Variants in CDH12 observed in about 807,000 individuals in gnomAD.
CDH12 encodes the protein cadherin 12.
Under a neutral mutation model 74.1 loss-of-function variants are expected in CDH12, and 41 were observed. The ratio of observed to expected loss-of-function variants is 0.55; its 90% CI spans 0.43 to 0.72. The LOEUF (loss-of-function observed/expected upper bound fraction) is 0.72, where lower values mean the gene tolerates loss of function less well. Among genes scored for constraint, CDH12 ranks in the 30% least tolerant of loss-of-function variants. The pLI is 0.00. For synonymous variants in CDH12, 399 were observed against 355.0 expected (o/e 1.12, Z -1.39); for missense variants, 945 against 977.2 (o/e 0.97, Z 0.44).
intron 3 of CDH12, among the ~76,000 whole-genome samples, chr5:22,270,612 T>A (rs1454458830): frequency 6.6e-6 from 1 of 150,416 alleles, no homozygotes; most frequent in Non-Finnish European, 1.5e-5. Context: ...AAAATATATA[T>A]ATATATATGT....
rs1219093742 is a variant in CDH12 at position 21,752,270 on chromosome 5, G to A, written c.1886-34C>T. On this transcript the variant is annotated intron_variant, in intron 14 of 14. Coordinates refer to ENST00000382254, the MANE Select transcript of CDH12 (RefSeq NM_004061.5). ...AGACAAAAATTGCAATTTGAGAATA[G>A]AAAGCAGATAGGTCATTTCATCTCT... is the stretch of plus-strand genomic sequence containing the variant. 19 of 1,547,896 alleles carry A rather than the reference G, an allele frequency of 1.2e-5. No individual in the cohort carries two copies. The East Asian group carries it at 4.3e-4, about 35-fold the overall frequency.
chr5:21,914,730 A>C (rs1346036238), intron 6 of CDH12, among the ~76,000 whole-genome samples: 1 of 152,164 alleles, frequency 6.6e-6, no homozygotes, highest in African/African-American at 2.4e-5. Context: ...TATTGAAGAA[A>C]ATCTCCTTTA....
intron 1 of CDH12, among the ~76,000 whole-genome samples, chr5:22,536,878 C>A (rs954282595): frequency 3.3e-5 from 5 of 152,138 alleles, no homozygotes; most frequent in Non-Finnish European, 5.9e-5. Context: ...CCTTAGCTTT[C>A]TTTTTGTGGT....
At chr5:22,058,038 TATCTATC>T (rs1206182765) in intron 5 of CDH12, among the ~76,000 whole-genome samples, 1 of 147,754 alleles carries the variant, frequency 6.8e-6, no homozygotes, top group Admixed American at 6.7e-5. Context: ...TCTATCTATC[TATCTATC>T]ATCTATCTTT....
chr5:22,000,387 G>A (rs1186133060), intron 5 of CDH12, among the ~76,000 whole-genome samples: 11 of 152,124 alleles, frequency 7.2e-5, no homozygotes, highest in Admixed American at 1.3e-4. Flanking sequence ...CACATCAGCC[G>A]TTGGCCTGAG....
intron 5 of CDH12, among the ~76,000 whole-genome samples, chr5:22,007,253 T>C (rs533612654): frequency 6.6e-6 from 1 of 152,286 alleles, no homozygotes; most frequent in East Asian, 1.9e-4. Flanking sequence ...AGAGATCTGT[T>C]ATACAACGTG....
intron 1 of CDH12, among the ~76,000 whole-genome samples, chr5:22,694,793 A>AT (rs1358800802): frequency 3.9e-5 from 6 of 151,936 alleles, no homozygotes; most frequent in Non-Finnish European, 7.4e-5. Flanking sequence ...ACACACACAT[A>AT]TATGTATACA....
At chr5:22,303,373 A>G (rs1049533064) in intron 3 of CDH12, among the ~76,000 whole-genome samples, 1 of 152,124 alleles carries the variant, frequency 6.6e-6, no homozygotes, top group Non-Finnish European at 1.5e-5. Context: ...TTTTGATTAC[A>G]TCATTAAACA....
intron 6 of CDH12, among the ~76,000 whole-genome samples, chr5:21,969,078 G>A (rs1333107714): frequency 2.0e-5 from 3 of 151,398 alleles, no homozygotes; most frequent in Non-Finnish European, 2.9e-5. Context: ...AACCACCCTG[G>A]CACATGTTTA....
intron 5 of CDH12, among the ~76,000 whole-genome samples, chr5:22,022,170 G>T (rs2150162605): frequency 1.3e-5 from 2 of 152,170 alleles, no homozygotes; most frequent in East Asian, 3.9e-4. Flanking sequence ...TTTTGAATCT[G>T]GTGATATGGT....
At chr5:22,827,495 A>G (rs1366498043) in intron 1 of CDH12, among the ~76,000 whole-genome samples, 1 of 152,096 alleles carries the variant, frequency 6.6e-6, no homozygotes, top group Non-Finnish European at 1.5e-5. Flanking sequence ...CGGGGGTGGG[A>G]GCCCCCACAA....
chr5:22,646,450 A>G (rs1337339828), intron 1 of CDH12, among the ~76,000 whole-genome samples: 1 of 151,856 alleles, frequency 6.6e-6, no homozygotes. Flanking sequence ...AATTATAATC[A>G]TCCTCTGACA....
intron 3 of CDH12, among the ~76,000 whole-genome samples, chr5:22,389,415 T>G (rs1742135270): frequency 6.6e-6 from 1 of 152,310 alleles, no homozygotes; most frequent in South Asian, 2.1e-4. Context: ...ATATAGTCCC[T>G]AAGTTGAAAT....
chr5:22,376,370 A>T (rs1038291137), intron 3 of CDH12, among the ~76,000 whole-genome samples: 1 of 152,194 alleles, frequency 6.6e-6, no homozygotes, highest in Non-Finnish European at 1.5e-5. Context: ...TACAAAAAAA[A>T]AGCCCAATAT....
At chr5:22,657,133 A>G (rs962607116) in intron 1 of CDH12, among the ~76,000 whole-genome samples, 3 of 152,200 alleles carry the variant, frequency 2.0e-5, no homozygotes, top group African/African-American at 7.2e-5. Flanking sequence ...AGATTAAACT[A>G]TTAAGTGAAA....
intron 1 of CDH12, among the ~76,000 whole-genome samples, chr5:22,660,974 C>T (rs574334266): frequency 6.6e-6 from 1 of 152,214 alleles, no homozygotes; most frequent in African/African-American, 2.4e-5. Flanking sequence ...TCAAAGTTTT[C>T]ATTAGATTAA....
At chr5:22,689,390 C>T (rs922432745) in intron 1 of CDH12, among the ~76,000 whole-genome samples, 4 of 152,084 alleles carry the variant, frequency 2.6e-5, no homozygotes, top group Non-Finnish European at 5.9e-5. Flanking sequence ...GTTCTTAGAA[C>T]CCTTACAAGG....
chr5:22,498,254 ATT>A (rs1317740920), intron 2 of CDH12, among the ~76,000 whole-genome samples: 11 of 152,058 alleles, frequency 7.2e-5, no homozygotes, highest in Non-Finnish European at 1.5e-5. Flanking sequence ...AGCATTTATC[ATT>A]TTCTATAAAC....
intron 8 of CDH12, among the ~76,000 whole-genome samples, chr5:21,834,776 T>C (rs1199581033): frequency 1.3e-5 from 2 of 152,000 alleles, no homozygotes; most frequent in Non-Finnish European, 1.5e-5. Context: ...ATATGTTAGA[T>C]AATTATACAT....
Sources: allele counts gnomAD v4.1 joint callset (sites outside exome capture counted in the v4.1 genomes callset), GRCh38; gene constraint gnomAD v4.1.1; transcripts MANE v1.5; gene names NCBI Gene and HGNC (gene_info 2026-07-23, HGNC 2026-07-21).